Variants in INO80 observed in about 807,000 individuals in gnomAD.
INO80 encodes the protein INO80 complex ATPase subunit, also known as chromatin-remodeling ATPase INO80.
In INO80, 20 loss-of-function variants were observed where a neutral mutation model predicts 203.4. The observed-to-expected ratio is 0.10, with a 90% CI of 0.07 to 0.14. INO80 has a LOEUF of 0.14. Among genes scored for constraint, INO80 ranks in the 10% least tolerant of loss-of-function variants. The probability of loss-of-function intolerance (pLI) is 1.00; values close to 1 mark genes in which losing one functional copy is unlikely to be tolerated. For missense variants in INO80, 1,419 were observed against 1,914.4 expected (o/e 0.74, Z 4.83); for synonymous variants, 726 against 685.2 (o/e 1.06, Z -0.93).
intron 14 of INO80, among the ~76,000 whole-genome samples, chr15:41,063,806 C>A (rs1303783689): frequency 6.6e-6 from 1 of 151,670 alleles, no homozygotes; most frequent in Non-Finnish European, 1.5e-5. Flanking sequence ...AAAATGATTA[C>A]AAATAAAAGG....
intron 19 of INO80, 76 bp from the exon 20 acceptor site, chr15:41,050,178 C>T (rs778644121): frequency 1.1e-6 from 1 of 928,346 alleles, no homozygotes; most frequent in African/African-American, 1.6e-5. Flanking sequence ...AAGTTGAAAA[C>T]ACACACAAAC....
chr15:41,071,269 A>G (rs183329506), intron 12 of INO80, among the ~76,000 whole-genome samples: 2 of 152,266 alleles, frequency 1.3e-5, no homozygotes, highest in Admixed American at 1.3e-4. Flanking sequence ...ATTATACTTT[A>G]AGTTCTAGGG....
intron 6 of INO80, 68 bp from the exon 7 acceptor site, chr15:41,085,651 TA>T (rs2045552385): frequency 1.6e-6 from 2 of 1,225,678 alleles, no homozygotes; most frequent in Non-Finnish European, 2.4e-6. Flanking sequence ...CCTCATGACT[TA>T]AAACATGCAA....
At chr15:41,003,334 C>CTTTTTT (rs71104761) in intron 28 of INO80, among the ~76,000 whole-genome samples, 2 of 126,024 alleles carry the variant, frequency 1.6e-5, no homozygotes, top group Non-Finnish European at 3.2e-5. Flanking sequence ...CTTTTCTTTT[C>CTTTTTT]TTTTTTTTTT....
rs181856693 is a variant in INO80 at position 41,002,314 on chromosome 15, C to T, written c.3497+3279G>A. Among the ~76,000 whole-genome samples the T allele has an allele frequency of 3.0e-4, 45 of 152,136 alleles. 1 individual carries two copies. Among genetic ancestry groups the T allele is most frequent in the African/African-American group, 4.8e-5 (2 of 41,424 alleles). On this transcript the variant is annotated intron_variant, in intron 28 of 35. Transcript: ENST00000648947. ...AAGTAAAATTTAATGGTGAAAATGC[C>T]ACTCTTTTAGAGCTAAACTTTTCAA...
chr15:41,065,993 T>A (rs1285669255), intron 14 of INO80, among the ~76,000 whole-genome samples: 1 of 150,530 alleles, frequency 6.6e-6, no homozygotes, highest in African/African-American at 2.4e-5. Flanking sequence ...TTGTACTTTT[T>A]TTTTTTTTTT....
chr15:41,102,013 A>C (rs533777091), intron 1 of INO80, among the ~76,000 whole-genome samples: 1 of 152,030 alleles, frequency 6.6e-6, no homozygotes, highest in South Asian at 2.1e-4. Context: ...AACACAGTGA[A>C]ATCCCGCCTT....
intron 27 of INO80, among the ~76,000 whole-genome samples, chr15:41,014,529 T>G (rs1362272587): frequency 1.3e-5 from 2 of 152,198 alleles, no homozygotes; most frequent in Non-Finnish European, 2.9e-5. Flanking sequence ...AATATATACA[T>G]CAAACACAAC....
intron 14 of INO80, among the ~76,000 whole-genome samples, chr15:41,064,934 G>A (rs1596304830): frequency 6.6e-6 from 1 of 152,078 alleles, no homozygotes. Context: ...AGGAGGCAGA[G>A]GTTGCAGTGA....
intron 24 of INO80, among the ~76,000 whole-genome samples, chr15:41,039,706 C>T (rs2044639168): frequency 6.6e-6 from 1 of 152,186 alleles, no homozygotes. Context: ...ATATACAAAT[C>T]CATGCCCTCC....
intron 4 of INO80, among the ~76,000 whole-genome samples, chr15:41,094,742 A>G (rs2045695130): frequency 6.6e-6 from 1 of 152,192 alleles, no homozygotes; most frequent in Non-Finnish European, 1.5e-5. Context: ...GTTTCCCCTC[A>G]GTACGTTATA....
intron 24 of INO80, among the ~76,000 whole-genome samples, chr15:41,037,887 G>A (rs1344903544): frequency 1.3e-5 from 2 of 151,658 alleles, no homozygotes; most frequent in African/African-American, 4.8e-5. Flanking sequence ...AGGTTGCAGT[G>A]AGCCAAGATT....
chr15:41,049,076 C>T (rs1341293910), intron 21 of INO80, among the ~76,000 whole-genome samples: 5 of 152,178 alleles, frequency 3.3e-5, no homozygotes, highest in African/African-American at 1.2e-4. Context: ...AAAGAAGAAC[C>T]AGAAGTGACT....
chr15:41,107,945 C>G (rs1000254530), intron 1 of INO80, among the ~76,000 whole-genome samples: 1 of 151,554 alleles, frequency 6.6e-6, no homozygotes, highest in African/African-American at 2.4e-5. Context: ...ACTAAAAATA[C>G]AAAAATTAGC....
intron 12 of INO80, among the ~76,000 whole-genome samples, chr15:41,071,163 T>C (rs2140593629): frequency 6.6e-6 from 1 of 152,330 alleles, no homozygotes; most frequent in Middle Eastern, 3.4e-3. Context: ...AGTAAGATCC[T>C]GTCTCAAAAA....
chr15:41,109,887 G>C (rs1423970500), intron 1 of INO80, among the ~76,000 whole-genome samples: 2 of 151,056 alleles, frequency 1.3e-5, no homozygotes, highest in Non-Finnish European at 2.9e-5. Flanking sequence ...AACCGAGATA[G>C]TACCACTGCA....
At chr15:41,045,501 G>C (rs1168479171) in intron 23 of INO80, among the ~76,000 whole-genome samples, 1 of 150,698 alleles carries the variant, frequency 6.6e-6, no homozygotes, top group East Asian at 1.9e-4. Context: ...AGAATCGCTT[G>C]AACCTGGGAG....
chr15:41,108,024 CG>C (rs1248354747), intron 1 of INO80, among the ~76,000 whole-genome samples: 1 of 150,816 alleles, frequency 6.6e-6, no homozygotes, highest in Non-Finnish European at 1.5e-5. Flanking sequence ...CGCTTGAACT[CG>C]GGAGGCAGAG....
At chr15:41,029,079 T>C (rs577550881) in intron 24 of INO80, among the ~76,000 whole-genome samples, 10 of 152,258 alleles carry the variant, frequency 6.6e-5, no homozygotes, top group African/African-American at 9.6e-5. Context: ...ATAAGGCAGG[T>C]TGATGACCAA....
Sources: allele counts gnomAD v4.1 joint callset (sites outside exome capture counted in the v4.1 genomes callset), GRCh38; gene constraint gnomAD v4.1.1; transcripts MANE v1.5; gene names NCBI Gene and HGNC (gene_info 2026-07-23, HGNC 2026-07-21).